TRAPPC9: variants seen among roughly 807,000 people sequenced by gnomAD.
TRAPPC9 encodes the protein IKK2 binding protein.
Under a neutral mutation model 124.0 loss-of-function variants are expected in TRAPPC9, and 83 were observed. That is an observed-to-expected ratio of 0.67 (90% confidence interval 0.56 to 0.80). The LOEUF is 0.80. Ranked by LOEUF, TRAPPC9 falls within the 30% of genes least tolerant of loss-of-function variation. TRAPPC9 has a pLI of 0.00. For missense variants in TRAPPC9, 1,302 were observed against 1,508.3 expected (o/e 0.86, Z 2.27); for synonymous variants, 638 against 617.5 (o/e 1.03, Z -0.49).
At chr8:140,032,000 C>T (rs978012310) in intron 17 of TRAPPC9, among the ~76,000 whole-genome samples, 5 of 152,182 alleles carry the variant, frequency 3.3e-5, no homozygotes, top group Admixed American at 2.6e-4. Flanking sequence ...AACCTAACTC[C>T]CTGGGCGATG....
intron 19 of TRAPPC9, among the ~76,000 whole-genome samples, chr8:139,914,541 A>C (rs1015749226): frequency 6.6e-6 from 1 of 152,072 alleles, no homozygotes; most frequent in Admixed American, 6.5e-5. Context: ...CTCGGCTTGG[A>C]GGTGACTTTG....
intron 15 of TRAPPC9, 124 bp from the exon 16 acceptor site, chr8:140,253,053 G>T: frequency 1.0e-6 from 1 of 977,606 alleles, no homozygotes; most frequent in Non-Finnish European, 1.5e-6. Flanking sequence ...TTTAAAATGT[G>T]TAAGATCAAA....
intron 17 of TRAPPC9, among the ~76,000 whole-genome samples, chr8:140,139,153 T>C (rs944471436): frequency 1.3e-5 from 2 of 152,070 alleles, no homozygotes; most frequent in Non-Finnish European, 2.9e-5. Context: ...AAGAGTCCAA[T>C]GGGCACAGAA....
intron 1 of TRAPPC9, among the ~76,000 whole-genome samples, chr8:140,456,354 G>T (rs945598046): frequency 2.8e-4 from 42 of 151,174 alleles, no homozygotes; most frequent in Non-Finnish European, 5.3e-4. Flanking sequence ...GGAGGGTGCA[G>T]TGAGCCAAGA....
At chr8:139,957,456 C>T (rs1835072528) in intron 19 of TRAPPC9, among the ~76,000 whole-genome samples, 1 of 152,196 alleles carries the variant, frequency 6.6e-6, no homozygotes, top group South Asian at 2.1e-4. Context: ...GCAGGGACAG[C>T]AGGAGACCTG....
At chr8:140,112,445 G>A (rs1348416689) in intron 17 of TRAPPC9, among the ~76,000 whole-genome samples, 1 of 152,138 alleles carries the variant, frequency 6.6e-6, no homozygotes, top group African/African-American at 2.4e-5. Flanking sequence ...TGCGAGGAGA[G>A]TAATGGAGAA....
intron 7 of TRAPPC9, among the ~76,000 whole-genome samples, chr8:140,382,960 C>T (rs931226140): frequency 8.5e-5 from 13 of 152,296 alleles, no homozygotes; most frequent in South Asian, 2.1e-4. Context: ...CCCTCTAAGA[C>T]GAAACTTCCA....
chr8:140,369,374 A>G (rs2068212988), intron 8 of TRAPPC9, among the ~76,000 whole-genome samples: 1 of 152,226 alleles, frequency 6.6e-6, no homozygotes, highest in South Asian at 2.1e-4. Flanking sequence ...TAGAGGGCAG[A>G]AACTGTCTCC....
chr8:140,389,784 A>G (rs1054767156), intron 7 of TRAPPC9, among the ~76,000 whole-genome samples: 2 of 151,862 alleles, frequency 1.3e-5, no homozygotes, highest in African/African-American at 4.8e-5. Flanking sequence ...ATTCTGCCTC[A>G]TTGTAAAAAA....
chr8:139,987,462 G>A (rs1837313194), intron 19 of TRAPPC9, among the ~76,000 whole-genome samples: 1 of 151,912 alleles, frequency 6.6e-6, no homozygotes, highest in South Asian at 2.1e-4. Flanking sequence ...ATCGCGGTTT[G>A]GACTTACATT....
At chr8:140,424,249 T>A (rs1158096356) in intron 5 of TRAPPC9, among the ~76,000 whole-genome samples, 2 of 151,638 alleles carry the variant, frequency 1.3e-5, no homozygotes, top group African/African-American at 4.9e-5. Flanking sequence ...CTCCTCCACA[T>A]GAAAACGGAA....
At chr8:139,989,697 A>G (rs1225488601) in intron 18 of TRAPPC9, among the ~76,000 whole-genome samples, 1 of 152,190 alleles carries the variant, frequency 6.6e-6, no homozygotes, top group Non-Finnish European at 1.5e-5. Context: ...GAGGCGCTTG[A>G]GAGCCGTCAC....
chr8:140,242,749 T>C (rs1430571044), intron 16 of TRAPPC9, among the ~76,000 whole-genome samples: 1 of 152,196 alleles, frequency 6.6e-6, no homozygotes, highest in Non-Finnish European at 1.5e-5. Flanking sequence ...GGAACATCCA[T>C]AGCTGGGGAT....
chr8:140,322,464 A>G (rs2066620633), intron 9 of TRAPPC9, among the ~76,000 whole-genome samples: 1 of 152,154 alleles, frequency 6.6e-6, no homozygotes, highest in African/African-American at 2.4e-5. Context: ...CAATATTTGA[A>G]GGGGGTTATG....
chr8:140,019,226 C>T (rs1839669453), intron 18 of TRAPPC9, among the ~76,000 whole-genome samples: 1 of 151,234 alleles, frequency 6.6e-6, no homozygotes, highest in Non-Finnish European at 1.5e-5. Context: ...TTTCATATTT[C>T]ACATGTATAT....
rs546384037 is a variant in TRAPPC9, at chr8:139,949,580, T to C, written c.2810+39146A>G. 2.7e-4 allele frequency among the ~76,000 whole-genome samples: 41 copies of C among 152,342 alleles called. No homozygotes were observed. The East Asian group carries it at 6.9e-3, about 26-fold the overall frequency. On this transcript the variant is annotated intron_variant, in intron 19 of 22. Transcript: ENST00000438773. ...TTTAGCAGTAAAAAGGAAGGAAGTATTGATACATACTTCAACATGAATAGA... is the reference window on the plus strand; with the variant it reads ...TTTAGCAGTAAAAAGGAAGGAAGTACTGATACATACTTCAACATGAATAGA...
At chr8:140,157,356 CTTTTCCATTCAGAAGCCTCCCT>C (rs1563804953) in intron 17 of TRAPPC9, among the ~76,000 whole-genome samples, 12 of 106,564 alleles carry the variant, frequency 1.1e-4, no homozygotes, top group Middle Eastern at 4.6e-3. Context: ...AGAAGCCTCC[CTTTTCCATTCAGAAGCCTCCCT>C]TTTCCATTCA....
intron 19 of TRAPPC9, among the ~76,000 whole-genome samples, chr8:139,985,709 C>A (rs1018774108): frequency 2.6e-5 from 4 of 152,152 alleles, no homozygotes; most frequent in African/African-American, 9.7e-5. Flanking sequence ...TACAAGGCTG[C>A]AGGGCCTGGC....
At chr8:140,145,588 T>C (rs1563795605) in intron 17 of TRAPPC9, among the ~76,000 whole-genome samples, 1 of 152,264 alleles carries the variant, frequency 6.6e-6, no homozygotes, top group Non-Finnish European at 1.5e-5. Flanking sequence ...GGAAATGTTC[T>C]GCTGTAGAAC....
Sources: allele counts gnomAD v4.1 joint callset (sites outside exome capture counted in the v4.1 genomes callset), GRCh38; gene constraint gnomAD v4.1.1; transcripts MANE v1.5; gene names NCBI Gene and HGNC (gene_info 2026-07-23, HGNC 2026-07-21).